Variants in MIF4GD observed in about 807,000 individuals in gnomAD.
MIF4GD encodes MIF4G domain containing, also known as MIF4G domain-containing protein.
A neutral mutation model predicts 26.7 loss-of-function variants in MIF4GD; 22 were observed. That is an observed-to-expected ratio of 0.82 (90% CI 0.59 to 1.18). The LOEUF (loss-of-function observed/expected upper bound fraction) is 1.18, where lower values mean the gene tolerates loss of function less well. Ranked by LOEUF, MIF4GD falls within the 50% of genes most tolerant of loss-of-function variation. MIF4GD has a pLI of 0.00. For synonymous variants in MIF4GD, 137 were observed against 111.6 expected (o/e 1.23, Z -1.43); for missense variants, 262 against 279.6 (o/e 0.94, Z 0.45).
Position 75,270,058 on chromosome 17 carries a change from A to C in MIF4GD, c.82+56T>G. On this transcript the variant is annotated intron_variant, in intron 2 of 5. Transcript: ENST00000325102. The surrounding 1 kb of genome is among the most constrained non-coding windows in gnomAD (Gnocchi z 5.7). ...CCAGGCTCAGCCTCTGGTGCTGCCC[A>C]CAGGGGCCCTTCTCTGTAGCTCCTG... The C allele has an allele frequency of 6.7e-7, 1 of 1,498,146 alleles. No individual in the cohort carries two copies. The highest frequency in any genetic ancestry group is 9.3e-7 in the Non-Finnish European group (1 of 1,076,072). The allele number at this position is 1,498,146 out of a possible 1,614,324, so 92.8% of individuals were successfully genotyped here. A position where few individuals can be genotyped will look rare whatever the true frequency, so the allele number is the denominator to read the frequency against.
chr17:75,269,737 C>CTTTTTTTTTT lies in MIF4GD; in HGVS notation c.82+376_82+377insAAAAAAAAAA, dbSNP rs796368431. Among the ~76,000 whole-genome samples, 231 of 103,702 alleles carry CTTTTTTTTTT rather than the reference C, an allele frequency of 2.2e-3. 13 individuals carry two copies. Among genetic ancestry groups the CTTTTTTTTTT allele is most frequent in the East Asian group, 4.6e-3 (14 of 3,054 alleles). 68.0% of individuals were successfully genotyped at this position (103,702 alleles called of 152,430 possible). A position where few individuals can be genotyped will look rare whatever the true frequency, so the allele number is the denominator to read the frequency against. On this transcript the variant is annotated intron_variant, in intron 2 of 5. Transcript: ENST00000325102. ...ACTATGCCCGGCTAATTTTTCTTTT[C>CTTTTTTTTTT]TTTCTTTTTTTTTTTTTTTTTGTAG...
intron 2 of MIF4GD, among the ~76,000 whole-genome samples, chr17:75,268,406 G>A (rs2077585389): frequency 6.6e-6 from 1 of 152,196 alleles, no homozygotes; most frequent in Non-Finnish European, 1.5e-5. Context: ...GCTCATGCCT[G>A]TAATCCCAAC....
rs187135060 is a variant in MIF4GD at position 75,268,769 on chromosome 17, G to A, written c.83-577C>T. 1.2e-3 allele frequency among the ~76,000 whole-genome samples: 175 copies of A among 151,950 alleles called. 1 individual carries two copies. Among genetic ancestry groups the A allele is most frequent in the African/African-American group, 3.9e-3 (163 of 41,460 alleles). On this transcript the variant is annotated intron_variant, in intron 2 of 5. Coordinates refer to ENST00000325102, the MANE Select transcript of MIF4GD (RefSeq NM_001370592.1). The stretch of plus-strand genomic sequence containing the variant: ...TCCCAGCACTTTGAGAGGCTGAGGC[G>A]GGTGGATCACCTGAGGTCAGGATCA...
chr17:75,270,270 G>A lies in MIF4GD; in HGVS notation c.-50-25C>T, dbSNP rs989978418. 6.3e-5 allele frequency: 85 copies of A among 1,353,012 alleles called. No individual in the cohort carries two copies. The Middle Eastern group carries it at 7.2e-4, about 11-fold the overall frequency. The allele number at this position is 1,353,012 out of a possible 1,614,324, so 83.8% of individuals were successfully genotyped here. A position where few individuals can be genotyped will look rare whatever the true frequency, so the allele number is the denominator to read the frequency against. ...CCTGAGGAGAAGAGGCGAAGGGAGCGGCCTCAGGTGTGGAGCGCAGGGCGG... is the reference window on the plus strand; with the variant it reads ...CCTGAGGAGAAGAGGCGAAGGGAGCAGCCTCAGGTGTGGAGCGCAGGGCGG... On this transcript the variant is annotated intron_variant, in intron 1 of 5. Transcript: ENST00000325102. This position sits in a 1 kb window ranked among gnomAD's most constrained non-coding sequence, Gnocchi z 5.7.
intron 5 of MIF4GD, 102 bp from the exon 6 acceptor site, chr17:75,267,069 T>C (rs80212667): frequency 0.063 from 59,147 of 935,404 alleles, 2,327 homozygotes; most frequent in Middle Eastern, 0.12. Flanking sequence ...TTTACACTCA[T>C]TCCCTTGCTC....
chr17:75,269,507 G>C, intron 2 of MIF4GD: 10 of 1,565,562 alleles, frequency 6.4e-6, no homozygotes, highest in Non-Finnish European at 7.8e-6. Flanking sequence ...AAATGTAAGC[G>C]CTTCAAGGGC....
At chr17:75,269,548 C>CTTGTTTT (rs2077635989) in intron 2 of MIF4GD, 1 of 481,722 alleles carries the variant, frequency 2.1e-6, no homozygotes, top group Non-Finnish European at 2.9e-6. Flanking sequence ...TATGGTTAAA[C>CTTGTTTT]TTTTTTTTTT....
chr17:75,267,461 A>T, intron 5 of MIF4GD, 77 bp downstream of exon 5: 6 of 1,404,064 alleles, frequency 4.3e-6, no homozygotes, highest in Non-Finnish European at 6.0e-6. Context: ...CTCCGTGAGC[A>T]GTGGGCTGAC....
intron 2 of MIF4GD, chr17:75,269,238 C>T: frequency 7.9e-7 from 1 of 1,264,794 alleles, no homozygotes; most frequent in African/African-American, 1.5e-5. Context: ...AAAAAGTGTT[C>T]TTATACTACA....
chr17:75,266,438 A>G lies in MIF4GD; in HGVS notation c.*302T>C, dbSNP rs1432298256. The G allele has an allele frequency of 2.2e-6, 1 of 464,370 alleles. No individual in the cohort carries two copies. Among genetic ancestry groups the G allele is most frequent in the African/African-American group, 2.0e-5 (1 of 51,032 alleles). The allele number at this position is 464,370 out of a possible 1,614,324, so 28.8% of individuals were successfully genotyped here. ...ATCCCACCAGTGGCTATGCTTACCC[A>G]TTTTACAGATGGGTAAACTGAGGCA... On this transcript the variant is annotated 3_prime_UTR_variant, in exon 6 of 6. Coordinates refer to ENST00000325102, the MANE Select transcript of MIF4GD (RefSeq NM_001370592.1).
chr17:75,268,352 G>C (rs1447706886), intron 2 of MIF4GD, among the ~76,000 whole-genome samples, 160 bp from the exon 3 acceptor site: 4 of 152,164 alleles, frequency 2.6e-5, no homozygotes, highest in Non-Finnish European at 5.9e-5. Flanking sequence ...TGGTGCAATT[G>C]GTTAGCGCAT....
intron 5 of MIF4GD, 78 bp from the exon 6 acceptor site, chr17:75,267,045 T>G: frequency 7.9e-7 from 1 of 1,264,618 alleles, no homozygotes; most frequent in Non-Finnish European, 1.1e-6. Flanking sequence ...AAGTGCCAGG[T>G]GCTGTGCTTT....
chr17:75,269,737 CTTTCTTTT>C lies in MIF4GD; in HGVS notation c.82+369_82+376del, dbSNP rs1171797502. On this transcript the variant is annotated intron_variant, in intron 2 of 5. Coordinates refer to ENST00000325102, the MANE Select transcript of MIF4GD (RefSeq NM_001370592.1). ...ACTATGCCCGGCTAATTTTTCTTTT[CTTTCTTTT>C]TTTTTTTTTTTTTGTAGAGATGGGG... 2.2e-4 allele frequency among the ~76,000 whole-genome samples: 23 copies of C among 103,740 alleles called. 1 individual carries two copies. Among genetic ancestry groups the C allele is most frequent in the Admixed American group, 3.7e-4 (3 of 8,176 alleles). 68.1% of individuals were successfully genotyped at this position (103,740 alleles called of 152,430 possible). A position where few individuals can be genotyped will look rare whatever the true frequency, so the allele number is the denominator to read the frequency against.
rs567359960 is a variant in MIF4GD, at chr17:75,266,824, C to G, written c.585G>C (p.Leu195=). The G allele has an allele frequency of 2.5e-6, 4 of 1,614,118 alleles. No individual in the cohort carries two copies. Among genetic ancestry groups the G allele is most frequent in the Non-Finnish European group, 3.4e-6 (4 of 1,180,056 alleles). ...CCGCCCGGAACTCAATGATCTCCAG[C>G]AGCAGCAGCTGGGCCAGGGAGCTGA... ...TGLSSLAQLL[L]LEIIEFRAAG... The change falls in exon 6 of 6, where the codon CTG becomes CTC. Residue 195 remains leucine, a synonymous_variant. Coordinates refer to ENST00000325102, the MANE Select transcript of MIF4GD (RefSeq NM_001370592.1).
Position 75,266,247 on chromosome 17 carries a change from T to A in MIF4GD, c.*493A>T. On this transcript the variant is annotated 3_prime_UTR_variant, in exon 6 of 6. Coordinates refer to ENST00000325102, the MANE Select transcript of MIF4GD (RefSeq NM_001370592.1). ...AAGCAGTTTTAGTATCAGAAAAGAT[T>A]TATTAGAAAATTCTCACGCTGAACT... 2.5e-6 allele frequency: 1 copy of A among 401,956 alleles called. No homozygotes were observed. The highest frequency in any genetic ancestry group is 4.6e-6 in the Non-Finnish European group (1 of 218,506). 24.9% of individuals were successfully genotyped at this position (401,956 alleles called of 1,614,324 possible). A position where few individuals can be genotyped will look rare whatever the true frequency, so the allele number is the denominator to read the frequency against.
intron 2 of MIF4GD, chr17:75,269,357 C>T (rs892814556): frequency 8.7e-6 from 14 of 1,613,996 alleles, no homozygotes; most frequent in Admixed American, 3.3e-5. Context: ...CTCTGTACTG[C>T]GTGTTACAGC....
chr17:75,267,790 C>G lies in MIF4GD; in HGVS notation c.304G>C (p.Val102Leu). Residue 102 changes from valine (V) to leucine (L), a missense_variant, in exon 4 of 6, where the codon GTC (valine) becomes CTC (leucine). Val to Leu is a conservative substitution (Grantham distance 32). Transcript: ENST00000325102. The stretch of plus-strand genomic sequence containing the variant: ...TTGCAGATAAAGGTGACATAGCAGA[C>G]CCAGCCCTGCAGGGAGCGTGCTCGC... ...QLRARSLQGW[V>L]CYVTFICNIF... 6.2e-7 allele frequency: 1 copy of G among 1,614,046 alleles called. No individual in the cohort carries two copies. The highest frequency in any genetic ancestry group is 8.5e-7 in the Non-Finnish European group (1 of 1,179,988).
At chr17:75,269,373 G>A (rs1038675272) in intron 2 of MIF4GD, 3 of 1,614,082 alleles carry the variant, frequency 1.9e-6, no homozygotes, top group Non-Finnish European at 1.7e-6. Context: ...ACAGCGGGAA[G>A]GCATCAGGCG....
chr17:75,269,154 AAC>A (rs1271831293), intron 2 of MIF4GD, among the ~76,000 whole-genome samples: 10 of 152,334 alleles, frequency 6.6e-5, no homozygotes, highest in African/African-American at 1.9e-4. Context: ...TTTCTCAGGA[AAC>A]ACATCTTTTC....
Sources: allele counts gnomAD v4.1 joint callset (sites outside exome capture counted in the v4.1 genomes callset), GRCh38; gene constraint gnomAD v4.1.1; non-coding constraint Gnocchi (gnomAD v3.1); transcripts MANE v1.5; gene names NCBI Gene and HGNC (gene_info 2026-07-23, HGNC 2026-07-21).